Variants in ACAP3 observed in about 807,000 individuals in gnomAD.
ACAP3 encodes the protein ArfGAP with coiled-coil, ankyrin repeat and PH domains 3.
Under a neutral mutation model 104.1 loss-of-function variants are expected in ACAP3, and 56 were observed. The observed-to-expected ratio is 0.54, with a 90% CI of 0.43 to 0.67. The LOEUF is 0.67. Among genes scored for constraint, ACAP3 ranks in the 30% least tolerant of loss-of-function variants. ACAP3 has a pLI of 0.00. For synonymous variants in ACAP3, 628 were observed against 496.2 expected (o/e 1.27, Z -3.53); for missense variants, 1,208 against 1,174.9 (o/e 1.03, Z -0.41).
chr1:1,304,038 C>T (rs1641572728), intron 2 of ACAP3, 48 bp downstream of exon 2: 5 of 1,549,170 alleles, frequency 3.2e-6, no homozygotes, highest in Non-Finnish European at 4.4e-6. Flanking sequence ...GGCCATGTGG[C>T]CATCCCAAGC....
intron 6 of ACAP3, 79 bp downstream of exon 6, chr1:1,300,430 C>A: frequency 6.9e-7 from 1 of 1,455,258 alleles, no homozygotes; most frequent in East Asian, 2.3e-5. Flanking sequence ...CTCAAAATCC[C>A]TCCAGTTCTG....
Position 1,293,546 on chromosome 1 carries a change from T to G in ACAP3, c.*18A>C. On this transcript the variant is annotated 3_prime_UTR_variant, in exon 24 of 24. Transcript: ENST00000354700. ...GCGTCGGGCCGGGCGGGGTGGCAGC[T>G]GCCCGGCCTGCCCGGCCCTAGCTCT... The G allele has an allele frequency of 7.0e-7, 1 of 1,427,094 alleles. No homozygotes were observed. Among genetic ancestry groups the G allele is most frequent in the Non-Finnish European group, 9.1e-7 (1 of 1,093,186 alleles). 88.4% of individuals were successfully genotyped at this position (1,427,094 alleles called of 1,614,324 possible). A position where few individuals can be genotyped will look rare whatever the true frequency, so the allele number is the denominator to read the frequency against.
chr1:1,298,567 C>G lies in ACAP3; in HGVS notation c.863G>C (p.Arg288Pro). ...CCCCCACCTGAGGAAGGCCTCTCAC[C>G]GGTTCCATGTCTTGAAAGCGTTGCT... is the stretch of plus-strand genomic sequence containing the variant. ...RASNAFKTWN[R>P]RWFSIQNSQL... The change falls in exon 11 of 24, where the codon CGG (arginine) becomes CCG (proline). Residue 288 changes from arginine to proline, a missense_variant and splice_region_variant. Arg to Pro is a moderately radical substitution (Grantham distance 103). Transcript: ENST00000354700. 6.2e-7 allele frequency: 1 copy of G among 1,610,320 alleles called. No homozygotes were observed.
At position 1,293,971 on chromosome 1, in the gene ACAP3, C is replaced by A. The variant is rs374627807; in HGVS notation, c.2250-38G>T. On this transcript the variant is annotated intron_variant, in intron 22 of 23. Coordinates refer to ENST00000354700, the MANE Select transcript of ACAP3 (RefSeq NM_030649.3). ...GTCGGAGGGGCGTGTCGGGGCGGGGCGGGGCGGGGCGAGTGTGGTCGCGGG... is the reference window on the plus strand; with the variant it reads ...GTCGGAGGGGCGTGTCGGGGCGGGGAGGGGCGGGGCGAGTGTGGTCGCGGG... 45 of 624,382 alleles carry A rather than the reference C, an allele frequency of 7.2e-5. No individual in the cohort carries two copies. In the Admixed American group the frequency reaches 7.8e-4, roughly 11 times the overall value. The allele number at this position is 624,382 out of a possible 1,614,324, so 38.7% of individuals were successfully genotyped here.
chr1:1,295,250 G>A (rs765178381), intron 19 of ACAP3, among the ~76,000 whole-genome samples, 197 bp downstream of exon 19: 1 of 152,138 alleles, frequency 6.6e-6, no homozygotes, highest in Admixed American at 6.5e-5. Context: ...ACACCCAGGT[G>A]CACACAGCCC....
rs115439187 is a variant in ACAP3, at chr1:1,306,880, G to A, written c.47+889C>T. ...AGTACGTGAACCCACACAGACAGGT[G>A]GTGTGTGCACACGCTTGCGTGCACT... On this transcript the variant is annotated intron_variant, in intron 1 of 23. Transcript: ENST00000354700. Among the ~76,000 whole-genome samples, 710 of 152,360 alleles carry A rather than the reference G, an allele frequency of 4.7e-3. 6 individuals carry two copies. Among genetic ancestry groups the A allele is most frequent in the African/African-American group, 0.015 (612 of 41,582 alleles).
At position 1,296,587 on chromosome 1, in the gene ACAP3, G is replaced by A; in HGVS notation, c.1175C>T (p.Ala392Val). 1 of 1,539,548 alleles carries A rather than the reference G, an allele frequency of 6.5e-7. No homozygotes were observed. The highest frequency in any genetic ancestry group is 2.4e-5 in the East Asian group (1 of 40,904). The change falls in exon 15 of 24, where the codon GCC (alanine) becomes GTC (valine). Residue 392 changes from alanine to valine, a missense_variant. Physicochemically the swap from Ala to Val is moderately conservative, Grantham distance 64 (BLOSUM62 0). Coordinates refer to ENST00000354700, the MANE Select transcript of ACAP3 (RefSeq NM_030649.3). Reference sequence around the variant, plus strand: ...CACGCCACGCTCCCGAGTGTCGGTGGCGGAGTCGATGCTGCTCGTGGACGG... The same window carrying A: ...CACGCCACGCTCCCGAGTGTCGGTGACGGAGTCGATGCTGCTCGTGGACGG... ...ASPSTSSIDS[A>V]TDTRERGVKG...
intron 23 of ACAP3, 36 bp from the exon 24 acceptor site, chr1:1,293,744 G>GGAGGCCCCGCCCCTGCCCT: frequency 6.9e-7 from 1 of 1,456,006 alleles, no homozygotes; most frequent in East Asian, 2.8e-5. Context: ...CCCCTGCCCT[G>GGAGGCCCCGCCCCTGCCCT]GAGGCCCCGC....
chr1:1,299,737 G>C, intron 9 of ACAP3, 94 bp downstream of exon 9: 1 of 1,372,240 alleles, frequency 7.3e-7, no homozygotes, highest in African/African-American at 1.5e-5. Context: ...AGACAGGCAG[G>C]AGGAAGGGGC....
Position 1,299,980 on chromosome 1 carries a change from G to A in ACAP3, c.656C>T (p.Ala219Val), listed in dbSNP as rs756406458. 6.2e-7 allele frequency: 1 copy of A among 1,609,164 alleles called. No homozygotes were observed. Among genetic ancestry groups the A allele is most frequent in the South Asian group, 1.1e-5 (1 of 90,938 alleles). ...HQLDPYMKKL[A>V]AELDQLVIDS... ...CCCCTCCCAAAGGCTCACCTCGGCT[G>A]CCAGCTTCTTCATGTAGGGGTCCAG... is the stretch of plus-strand genomic sequence containing the variant. The change falls in exon 8 of 24, where the codon GCA becomes GTA. Residue 219 changes from alanine to valine, a missense_variant. Transcript: ENST00000354700.
At chr1:1,297,610 T>C (rs1477563425) in intron 14 of ACAP3, among the ~76,000 whole-genome samples, 6 of 45,670 alleles carry the variant, frequency 1.3e-4, no homozygotes, top group Admixed American at 1.2e-3. Flanking sequence ...CGTGTGTGTG[T>C]GCACAGGCAC....
At position 1,300,502 on chromosome 1, in the gene ACAP3, G is replaced by C; in HGVS notation, c.522+7C>G. On this transcript the variant is annotated splice_region_variant and intron_variant, in intron 6 of 23. Transcript: ENST00000354700. ...TCCCCGCCCCCCAGCCCATTTCTGGGGCTGACCTGGAGCACATAGTCCAGT... is the reference window on the plus strand; with the variant it reads ...TCCCCGCCCCCCAGCCCATTTCTGGCGCTGACCTGGAGCACATAGTCCAGT... 6.2e-7 allele frequency: 1 copy of C among 1,605,146 alleles called. No individual in the cohort carries two copies. The highest frequency in any genetic ancestry group is 1.3e-5 in the African/African-American group (1 of 74,742).
intron 10 of ACAP3, chr1:1,299,066 C>G: frequency 5.2e-6 from 3 of 573,726 alleles, no homozygotes; most frequent in Non-Finnish European, 9.3e-6. Flanking sequence ...ACTGAGGGCC[C>G]TGTGTGTCCC....
At position 1,303,447 on chromosome 1, in the gene ACAP3, T is replaced by G; in HGVS notation, c.106-166A>C. ...CAGCTTCCTCACGCCTGGGCCTGCC[T>G]GGGGCTTGGAGGCCCGTCTGGGAGG... On this transcript the variant is annotated intron_variant, in intron 2 of 23. Transcript: ENST00000354700. This position sits in a 1 kb window ranked among gnomAD's most constrained non-coding sequence, Gnocchi z 4.0. 14 of 357,560 alleles carry G rather than the reference T, an allele frequency of 3.9e-5. No homozygotes were observed. The highest frequency in any genetic ancestry group is 4.6e-5 in the Non-Finnish European group (9 of 194,838). The allele number at this position is 357,560 out of a possible 1,614,324, so 22.1% of individuals were successfully genotyped here.
chr1:1,295,623 C>T (rs1034565111), intron 18 of ACAP3, 69 bp from the exon 19 acceptor site: 12 of 1,566,668 alleles, frequency 7.7e-6, no homozygotes, highest in Admixed American at 1.8e-5. Flanking sequence ...CAGGTCACGC[C>T]GGGAGTCTGC....
chr1:1,306,572 CCTCCTGGTG>C (rs1641703889), intron 1 of ACAP3, among the ~76,000 whole-genome samples: 1 of 152,224 alleles, frequency 6.6e-6, no homozygotes. Context: ...GGCTCCTGAG[CCTCCTGGTG>C]AGGGCTCCAG....
At chr1:1,307,394 G>C (rs764739946) in intron 1 of ACAP3, 3 of 1,290,896 alleles carry the variant, frequency 2.3e-6, no homozygotes, top group Middle Eastern at 2.1e-4. Flanking sequence ...CTGGACACAG[G>C]ATCAAGTCAG....
rs1217675881 is a variant in ACAP3 at position 1,294,419 on chromosome 1, C to G, written c.2122G>C (p.Val708Leu). The G allele has an allele frequency of 1.3e-6, 2 of 1,575,602 alleles. No individual in the cohort carries two copies. Among genetic ancestry groups the G allele is most frequent in the Admixed American group, 3.5e-5 (2 of 57,360 alleles). Residue 708 changes from valine (V) to leucine (L), a missense_variant, in exon 21 of 24, where the codon GTG becomes CTG. Val to Leu is a conservative substitution (Grantham distance 32). Coordinates refer to ENST00000354700, the MANE Select transcript of ACAP3 (RefSeq NM_030649.3). ...DAEDEGKTPL[V>L]QAVLGGSLIV... ...TCGCTCACCCCTAGCACGGCCTGCA[C>G]CAGCGGCGTCTTGCCCTCATCCTCC...
At chr1:1,300,123 C>T (rs748778697) in intron 7 of ACAP3, 35 bp downstream of exon 7, 2 of 1,607,632 alleles carry the variant, frequency 1.2e-6, no homozygotes, top group South Asian at 1.1e-5. Flanking sequence ...CCCCAACATG[C>T]AGCCTGTGCT....
Sources: gnomAD v4.1 joint callset for allele counts (sites outside exome capture counted in the v4.1 genomes callset) on GRCh38, gnomAD v4.1.1 for gene constraint, Gnocchi (gnomAD v3.1) non-coding constraint, MANE v1.5 for transcripts, NCBI Gene and HGNC (gene_info 2026-07-23, HGNC 2026-07-21) for gene names.